FBXL20: variants seen among roughly 807,000 people sequenced by gnomAD.
FBXL20 encodes the protein F-box and leucine rich repeat protein 20.
Under a neutral mutation model 64.0 loss-of-function variants are expected in FBXL20, and 11 were observed. The observed-to-expected ratio is 0.17, with a 90% CI of 0.11 to 0.28. FBXL20 has a LOEUF of 0.28. FBXL20 is among the 10% of genes least tolerant of loss of function. The pLI is 1.00. For synonymous variants in FBXL20, 184 were observed against 189.0 expected (o/e 0.97, Z 0.22); for missense variants, 303 against 526.2 (o/e 0.58, Z 4.15).
intron 1 of FBXL20, among the ~76,000 whole-genome samples, chr17:39,398,138 C>T (rs901968368): frequency 3.4e-5 from 5 of 147,892 alleles, no homozygotes; most frequent in South Asian, 4.3e-4. Context: ...AAAAATTAGC[C>T]GGGCATGGTG....
intron 1 of FBXL20, among the ~76,000 whole-genome samples, chr17:39,361,050 C>A (rs940562554): frequency 6.6e-6 from 1 of 152,158 alleles, no homozygotes; most frequent in Non-Finnish European, 1.5e-5. Context: ...AAAGTCAGTG[C>A]CACATTCTAG....
At chr17:39,332,284 T>C (rs968480330) in intron 2 of FBXL20, among the ~76,000 whole-genome samples, 2 of 152,172 alleles carry the variant, frequency 1.3e-5, no homozygotes, top group South Asian at 2.1e-4. Flanking sequence ...AAGAATGCTA[T>C]CTTTAGAAAT....
Position 39,343,202 on chromosome 17 carries a change from GTTT to G in FBXL20, c.79_81del (p.Lys27del). The G allele has an allele frequency of 1.2e-6, 2 of 1,604,048 alleles. No individual in the cohort carries two copies. Among genetic ancestry groups the G allele is most frequent in the Non-Finnish European group, 1.7e-6 (2 of 1,176,830 alleles). ...TACCGTAACAGGAGTTCTTTGGGAA[GTTT>G]TTTATTGATTACAGCTTCATCACTA... On this transcript the variant is annotated inframe_deletion, in exon 2 of 15. Coordinates refer to ENST00000264658, the MANE Select transcript of FBXL20 (RefSeq NM_032875.3).
At chr17:39,295,782 G>GATATATATATATATATAT in intron 6 of FBXL20, among the ~76,000 whole-genome samples, 1 of 122,828 alleles carries the variant, frequency 8.1e-6, no homozygotes, top group South Asian at 2.2e-4. Flanking sequence ...TGCAAATATG[G>GATATATATATATATATAT]AGATATATAT....
rs184708627 is a variant in FBXL20 at position 39,317,148 on chromosome 17, C to T, written c.105-13509G>A. Among the ~76,000 whole-genome samples, 110 of 152,050 alleles carry T rather than the reference C, an allele frequency of 7.2e-4. 1 individual carries two copies. The highest frequency in any genetic ancestry group is 1.3e-3 in the Non-Finnish European group (90 of 67,982). ...TGAATCCAAACAGATTTTTGCTTAA[C>T]GAAAAAAATTGATTCTGAAGTTGAT... On this transcript the variant is annotated intron_variant, in intron 2 of 14. Transcript: ENST00000264658.
At chr17:39,346,125 C>G (rs2047630432) in intron 1 of FBXL20, among the ~76,000 whole-genome samples, 1 of 151,712 alleles carries the variant, frequency 6.6e-6, no homozygotes, top group South Asian at 2.1e-4. Context: ...AGTTCAAGAC[C>G]AGCCTGGGCA....
chr17:39,361,682 A>G (rs964437815), intron 1 of FBXL20, among the ~76,000 whole-genome samples: 22 of 152,042 alleles, frequency 1.4e-4, no homozygotes, highest in Non-Finnish European at 2.6e-4. Flanking sequence ...CTGTAGTCCC[A>G]GCTACTCGGG....
At chr17:39,395,408 A>C (rs1407537629) in intron 1 of FBXL20, among the ~76,000 whole-genome samples, 1 of 152,234 alleles carries the variant, frequency 6.6e-6, no homozygotes, top group Non-Finnish European at 1.5e-5. Context: ...TGGGCAACAG[A>C]GTGAGACTCC....
At chr17:39,343,154 C>G (rs771473196) in intron 2 of FBXL20, 26 bp downstream of exon 2, 1 of 1,549,782 alleles carries the variant, frequency 6.5e-7, no homozygotes, top group African/African-American at 1.4e-5. Context: ...CATAAAAAAA[C>G]CCATAAAATT....
intron 2 of FBXL20, among the ~76,000 whole-genome samples, chr17:39,338,652 A>G (rs1026746036): frequency 1.3e-5 from 2 of 152,234 alleles, no homozygotes; most frequent in African/African-American, 4.8e-5. Flanking sequence ...TGGATAAGCT[A>G]AAAGACACTA....
At chr17:39,280,393 C>G (rs1232731793) in intron 9 of FBXL20, among the ~76,000 whole-genome samples, 1 of 95,476 alleles carries the variant, frequency 1.0e-5, no homozygotes, top group African/African-American at 3.9e-5. Flanking sequence ...CACAGTGAGA[C>G]TCTGTCTCAA....
intron 1 of FBXL20, among the ~76,000 whole-genome samples, chr17:39,354,831 A>G (rs970024660): frequency 5.3e-5 from 8 of 152,234 alleles, no homozygotes; most frequent in African/African-American, 1.4e-4. Context: ...AACAAATAAA[A>G]TAACAATTAA....
chr17:39,329,893 C>G (rs2047443975), intron 2 of FBXL20, among the ~76,000 whole-genome samples: 1 of 152,048 alleles, frequency 6.6e-6, no homozygotes, highest in Non-Finnish European at 1.5e-5. Flanking sequence ...AGCTACTAGG[C>G]TGGAATGGGA....
chr17:39,379,493 A>AAAAAG (rs2048002296), intron 1 of FBXL20, among the ~76,000 whole-genome samples: 1 of 150,528 alleles, frequency 6.6e-6, no homozygotes, highest in Non-Finnish European at 1.5e-5. Flanking sequence ...ACCAAAAAAA[A>AAAAAG]AAAAACTGGC....
At chr17:39,370,773 C>T (rs1250538096) in intron 1 of FBXL20, among the ~76,000 whole-genome samples, 5 of 143,782 alleles carry the variant, frequency 3.5e-5, no homozygotes, top group South Asian at 4.3e-4. Flanking sequence ...CCAGCCTGGG[C>T]GACAGAGCGA....
At chr17:39,271,776 AACT>A (rs2046846415) in intron 10 of FBXL20, among the ~76,000 whole-genome samples, 1 of 152,124 alleles carries the variant, frequency 6.6e-6, no homozygotes, top group Admixed American at 6.6e-5. Flanking sequence ...GCAACTGTTA[AACT>A]CCAATCTAAA....
intron 2 of FBXL20, among the ~76,000 whole-genome samples, chr17:39,341,116 T>C (rs551607246): frequency 6.6e-6 from 1 of 152,096 alleles, no homozygotes; most frequent in East Asian, 1.9e-4. Flanking sequence ...AATACATTCA[T>C]AAGTATTAAG....
At chr17:39,306,887 C>T (rs1457879602) in intron 2 of FBXL20, among the ~76,000 whole-genome samples, 1 of 152,154 alleles carries the variant, frequency 6.6e-6, no homozygotes, top group African/African-American at 2.4e-5. Context: ...CAAGGAGCAA[C>T]ACGGAAAGCA....
chr17:39,318,919 T>C (rs750494273), intron 2 of FBXL20, among the ~76,000 whole-genome samples: 7 of 152,036 alleles, frequency 4.6e-5, no homozygotes, highest in Admixed American at 6.6e-5. Flanking sequence ...TATTTCCAAC[T>C]TAACAATCAG....
Sources: gnomAD v4.1 joint callset for allele counts (sites outside exome capture counted in the v4.1 genomes callset) on GRCh38, gnomAD v4.1.1 for gene constraint, MANE v1.5 for transcripts, NCBI Gene and HGNC (gene_info 2026-07-23, HGNC 2026-07-21) for gene names.